The following SIL1 variants were observed in gnomAD, a reference collection of about 807,000 sequenced individuals.
The protein encoded by SIL1 is SIL1 nucleotide exchange factor.
A neutral mutation model predicts 49.1 loss-of-function variants in SIL1; 40 were observed. The observed-to-expected ratio is 0.81, with a 90% CI of 0.63 to 1.06. The LOEUF (loss-of-function observed/expected upper bound fraction) is 1.06, where lower values mean the gene tolerates loss of function less well. SIL1 is among the 50% of genes least tolerant of loss of function. The pLI is 0.00. For missense variants in SIL1, 500 were observed against 572.6 expected, an observed-to-expected ratio of 0.87 and a Z score of 1.29; for synonymous variants, 253 against 250.8, an observed-to-expected ratio of 1.01 and a Z score of -0.08.
intron 3 of SIL1, among the ~76,000 whole-genome samples, chr5:139,077,047 T>C (rs1405185985): frequency 2.6e-5 from 4 of 152,128 alleles, no homozygotes; most frequent in African/African-American, 7.2e-5. Context: ...GGCAGGAGAA[T>C]TGCTTGAACC....
chr5:138,975,017 T>A (rs1012983639), intron 7 of SIL1, among the ~76,000 whole-genome samples: 5 of 152,180 alleles, frequency 3.3e-5, no homozygotes, highest in African/African-American at 1.2e-4. Flanking sequence ...CTCAAGAAGT[T>A]CTTTTGCCAC....
intron 7 of SIL1, among the ~76,000 whole-genome samples, chr5:139,000,280 T>C (rs549427851): frequency 2.6e-5 from 4 of 152,370 alleles, no homozygotes; most frequent in African/African-American, 9.6e-5. Context: ...TTGATTTGCA[T>C]ATGTTGAACC....
At chr5:138,957,416 A>T (rs1477780601) in intron 7 of SIL1, among the ~76,000 whole-genome samples, 1 of 143,624 alleles carries the variant, frequency 7.0e-6, no homozygotes, top group Non-Finnish European at 1.5e-5. Flanking sequence ...TGCAAAAGTA[A>T]AAAAAAAAAA....
chr5:138,993,344 T>C (rs1259320369), intron 7 of SIL1, among the ~76,000 whole-genome samples: 1 of 152,146 alleles, frequency 6.6e-6, no homozygotes, highest in Non-Finnish European at 1.5e-5. Context: ...CACAATACAG[T>C]TGCCACACCA....
intron 1 of SIL1, among the ~76,000 whole-genome samples, chr5:139,136,503 G>A (rs376516792): frequency 6.6e-6 from 1 of 152,196 alleles, no homozygotes. Flanking sequence ...ATGGCTGCAC[G>A]TTAGGAAAAG....
rs558249205 is a variant in SIL1, at chr5:139,107,217, C to T, written c.244+13818G>A. On this transcript the variant is annotated intron_variant, in intron 3 of 9. Coordinates refer to ENST00000394817, the MANE Select transcript of SIL1 (RefSeq NM_022464.5). Reference sequence around the variant, plus strand: ...GTGCTTAAGAGGCAGGTGTTGGGATCCCTGAGTAAGAGCCCTCCTTCTGAC... The same window carrying T: ...GTGCTTAAGAGGCAGGTGTTGGGATTCCTGAGTAAGAGCCCTCCTTCTGAC... Among the ~76,000 whole-genome samples, 265 of 152,278 alleles carry T rather than the reference C, an allele frequency of 1.7e-3. 2 individuals are homozygous for T. Among genetic ancestry groups the T allele is most frequent in the African/African-American group, 6.2e-3 (256 of 41,552 alleles).
chr5:139,190,391 C>A (rs1022070333), intron 1 of SIL1, among the ~76,000 whole-genome samples: 1 of 152,206 alleles, frequency 6.6e-6, no homozygotes, highest in Non-Finnish European at 1.5e-5. Context: ...AAAAACAGCA[C>A]GACAGCAAAA....
chr5:139,128,635 T>A (rs1251261410), intron 1 of SIL1, among the ~76,000 whole-genome samples: 2 of 144,816 alleles, frequency 1.4e-5, no homozygotes, highest in Non-Finnish European at 3.0e-5. Context: ...GGTGACAGAA[T>A]GAGACCCCAT....
chr5:139,065,563 C>A (rs1177746623), intron 3 of SIL1, among the ~76,000 whole-genome samples: 3 of 152,176 alleles, frequency 2.0e-5, no homozygotes, highest in African/African-American at 7.2e-5. Context: ...AGGTGCCCAC[C>A]CAAGCATGGG....
intron 7 of SIL1, among the ~76,000 whole-genome samples, chr5:138,975,902 G>GA (rs1017747238): frequency 3.9e-5 from 6 of 152,186 alleles, no homozygotes; most frequent in African/African-American, 1.4e-4. Flanking sequence ...CAAAGAAACA[G>GA]AAAAATAATA....
chr5:139,105,515 G>A, intron 3 of SIL1, among the ~76,000 whole-genome samples: 1 of 152,192 alleles, frequency 6.6e-6, no homozygotes, highest in East Asian at 1.9e-4. Context: ...GGCACTAGAA[G>A]CATAATTAGG....
chr5:139,053,428 G>A (rs548067156), intron 3 of SIL1, among the ~76,000 whole-genome samples: 46 of 152,092 alleles, frequency 3.0e-4, no homozygotes, highest in Admixed American at 1.4e-3. Context: ...TGGCCTCCCC[G>A]ATTCACCTCC....
At chr5:138,956,715 C>T (rs546721764) in intron 7 of SIL1, among the ~76,000 whole-genome samples, 1 of 150,260 alleles carries the variant, frequency 6.7e-6, no homozygotes, top group African/African-American at 2.5e-5. Flanking sequence ...TGCACTCCAG[C>T]CTGGGCAACA....
intron 6 of SIL1, 145 bp downstream of exon 6, chr5:139,026,656 C>CA: frequency 3.7e-6 from 3 of 817,666 alleles, no homozygotes; most frequent in Non-Finnish European, 6.0e-6. Context: ...TATCTTACTA[C>CA]AAAAGATAAC....
chr5:139,029,760 A>G (rs1768744929), intron 5 of SIL1, among the ~76,000 whole-genome samples: 1 of 151,724 alleles, frequency 6.6e-6, no homozygotes, highest in East Asian at 2.0e-4. Flanking sequence ...CAGCCTCCCA[A>G]AGTGCTGAGA....
intron 1 of SIL1, among the ~76,000 whole-genome samples, chr5:139,180,574 C>T (rs1370998388): frequency 6.6e-6 from 1 of 152,008 alleles, no homozygotes; most frequent in African/African-American, 2.4e-5. Flanking sequence ...GTCTGTCTTC[C>T]ATGAGCACAA....
At chr5:138,998,639 G>A (rs1402675091) in intron 7 of SIL1, among the ~76,000 whole-genome samples, 1 of 152,108 alleles carries the variant, frequency 6.6e-6, no homozygotes, top group Non-Finnish European at 1.5e-5. Flanking sequence ...TGGGAGAAGG[G>A]AGCAGTCCCA....
At chr5:138,977,168 G>C (rs1239322379) in intron 7 of SIL1, among the ~76,000 whole-genome samples, 1 of 152,218 alleles carries the variant, frequency 6.6e-6, no homozygotes, top group Non-Finnish European at 1.5e-5. Flanking sequence ...AAATCAGGCA[G>C]ACATCACGGT....
intron 3 of SIL1, among the ~76,000 whole-genome samples, chr5:139,096,683 G>T (rs919232685): frequency 6.6e-6 from 1 of 151,812 alleles, no homozygotes; most frequent in African/African-American, 2.4e-5. Context: ...GCTCCCAGAT[G>T]ACATTTCTAG....
Sources: allele counts gnomAD v4.1 joint callset (sites outside exome capture counted in the v4.1 genomes callset), GRCh38; gene constraint gnomAD v4.1.1; transcripts MANE v1.5; gene names NCBI Gene and HGNC (gene_info 2026-07-23, HGNC 2026-07-21).